CRB1: variants seen among roughly 807,000 people sequenced by gnomAD.
CRB1 encodes the protein crumbs cell polarity complex component 1, also known as protein crumbs homolog 1.
A neutral mutation model predicts 120.0 loss-of-function variants in CRB1; 83 were observed. That is an observed-to-expected ratio of 0.69 (90% CI 0.58 to 0.83). The LOEUF (loss-of-function observed/expected upper bound fraction) is 0.83, where lower values mean the gene tolerates loss of function less well. CRB1 is among the 40% of genes least tolerant of loss of function. The pLI, the probability that CRB1 is intolerant of heterozygous loss-of-function variation, is 0.00. For synonymous variants in CRB1, 625 were observed against 612.5 expected (o/e 1.02, Z -0.30); for missense variants, 1,699 against 1,687.6 (o/e 1.01, Z -0.12).
chr1:197,477,026 G>A (rs1216564859), intron 11 of CRB1, among the ~76,000 whole-genome samples: 2 of 152,226 alleles, frequency 1.3e-5, no homozygotes, highest in East Asian at 3.9e-4. Context: ...CCTTTGACAG[G>A]GCTCTACCTG....
rs1558056995 is a variant in CRB1 at position 197,328,665 on chromosome 1, C to A, written c.314C>A (p.Thr105Lys). The A allele has an allele frequency of 6.2e-7, 1 of 1,614,080 alleles. No homozygotes were observed. Among genetic ancestry groups the A allele is most frequent in the Non-Finnish European group, 8.5e-7 (1 of 1,179,952 alleles). The part of the protein sequence containing the change: ...LCKCPPGYSG[T>K]ICETTIGSCG... ...AAATGTCCTCCTGGGTACAGTGGGA[C>A]AATCTGTGAAACTACCATTGGTTCC... The change falls in exon 2 of 12, where the codon ACA (threonine) becomes AAA (lysine). Residue 105 changes from threonine (T) to lysine (K), a missense_variant. Coordinates refer to ENST00000367400, the MANE Select transcript of CRB1 (RefSeq NM_201253.3).
chr1:197,326,200 G>T (rs1658484566), intron 1 of CRB1, among the ~76,000 whole-genome samples: 1 of 152,066 alleles, frequency 6.6e-6, no homozygotes, highest in Non-Finnish European at 1.5e-5. Context: ...CTGAGCACTT[G>T]GTATAAATAA....
chr1:197,280,413 T>C lies in CRB1; in HGVS notation c.70+11931T>C, dbSNP rs1329104421. On this transcript the variant is annotated intron_variant, in intron 1 of 11. Coordinates refer to ENST00000367400, the MANE Select transcript of CRB1 (RefSeq NM_201253.3). ...TACAGGTATTAAAGATAATTTATCA[T>C]GTATTCATCACCAGCTACATGTGCT... is the stretch of plus-strand genomic sequence containing the variant. 2.6e-5 allele frequency among the ~76,000 whole-genome samples: 4 copies of C among 152,014 alleles called. No homozygotes were observed. In the East Asian group the frequency reaches 5.8e-4, roughly 22 times the overall value.
chr1:197,232,130 G>T, the CRB1 span, among the ~76,000 whole-genome samples: 1 of 152,140 alleles, frequency 6.6e-6, no homozygotes, highest in African/African-American at 2.4e-5. Flanking sequence ...ACTAAGGAAT[G>T]CAGGCAGCCT....
At chr1:197,354,307 C>T (rs539371391) in intron 4 of CRB1, among the ~76,000 whole-genome samples, 13 of 152,272 alleles carry the variant, frequency 8.5e-5, no homozygotes, top group African/African-American at 3.1e-4. Context: ...TAGGGTTAAA[C>T]TCAAAACGCT....
At chr1:197,436,638 A>G (rs1665174653) in intron 9 of CRB1, among the ~76,000 whole-genome samples, 1 of 152,194 alleles carries the variant, frequency 6.6e-6, no homozygotes, top group Non-Finnish European at 1.5e-5. Flanking sequence ...TGAATTTATT[A>G]ATAAATACAA....
upstream of CRB1, among the ~76,000 whole-genome samples, chr1:197,263,524 T>A (rs1175574368): frequency 7.9e-5 from 12 of 152,312 alleles, no homozygotes; most frequent in African/African-American, 2.6e-4. Context: ...CTCTTTGGTT[T>A]AATTAGGTCC....
intron 5 of CRB1, among the ~76,000 whole-genome samples, chr1:197,404,319 G>A (rs906453018): frequency 6.6e-5 from 10 of 151,974 alleles, no homozygotes; most frequent in Admixed American, 5.2e-4. Flanking sequence ...TCGGACGCCT[G>A]TAGTCCCAGC....
chr1:197,376,953 G>C (rs1169021580), intron 5 of CRB1, among the ~76,000 whole-genome samples: 1 of 152,010 alleles, frequency 6.6e-6, no homozygotes, highest in African/African-American at 2.4e-5. Context: ...TACTTGGTTA[G>C]GCCAAACTCA....
intron 5 of CRB1, among the ~76,000 whole-genome samples, chr1:197,394,433 T>C (rs1251006637): frequency 3.3e-5 from 5 of 152,170 alleles, no homozygotes; most frequent in African/African-American, 1.2e-4. Flanking sequence ...TTGCAAGTTA[T>C]ATGTGGATTT....
chr1:197,430,944 T>A (rs1266172150), intron 8 of CRB1, among the ~76,000 whole-genome samples: 1 of 152,052 alleles, frequency 6.6e-6, no homozygotes, highest in African/African-American at 2.4e-5. Context: ...CTGACACCTA[T>A]AATCCCAGCA....
chr1:197,242,761 T>C, the CRB1 span, among the ~76,000 whole-genome samples: 4 of 152,272 alleles, frequency 2.6e-5, no homozygotes, highest in African/African-American at 9.6e-5. Context: ...CCAGCTCCTC[T>C]TTGTACCTCT....
intron 1 of CRB1, among the ~76,000 whole-genome samples, chr1:197,293,584 G>T (rs1194461185): frequency 6.6e-6 from 1 of 151,810 alleles, no homozygotes; most frequent in Non-Finnish European, 1.5e-5. Flanking sequence ...TATGGAACCA[G>T]AAAAGAGCCC....
chr1:197,259,215 A>G, the CRB1 span, among the ~76,000 whole-genome samples: 7 of 152,368 alleles, frequency 4.6e-5, no homozygotes, highest in African/African-American at 1.7e-4. Context: ...TCTGTTTTAA[A>G]GATACATGCA....
intron 1 of CRB1, among the ~76,000 whole-genome samples, chr1:197,270,955 C>T (rs1248024274): frequency 6.6e-6 from 1 of 152,140 alleles, no homozygotes; most frequent in Non-Finnish European, 1.5e-5. Flanking sequence ...AGTCCCAGCA[C>T]TTTGAGAGGC....
At chr1:197,401,578 G>A (rs1663065896) in intron 5 of CRB1, among the ~76,000 whole-genome samples, 1 of 152,070 alleles carries the variant, frequency 6.6e-6, no homozygotes, top group Admixed American at 6.6e-5. Flanking sequence ...CGTATTTTGT[G>A]TCTTCTGTTT....
the CRB1 span, among the ~76,000 whole-genome samples, chr1:197,236,268 C>G: frequency 6.9e-6 from 1 of 145,196 alleles, no homozygotes; most frequent in Non-Finnish European, 1.5e-5. Flanking sequence ...GGCACAATCT[C>G]AGCTCACTGC....
intron 5 of CRB1, among the ~76,000 whole-genome samples, chr1:197,372,664 C>T (rs1287596032): frequency 6.6e-6 from 1 of 151,016 alleles, no homozygotes. Context: ...GAGGCCAAGG[C>T]AGGAGGTTTG....
intron 5 of CRB1, 56 bp downstream of exon 5, chr1:197,357,069 T>C: frequency 2.6e-6 from 4 of 1,551,946 alleles, no homozygotes; most frequent in Admixed American, 3.3e-5. Context: ...TGGCAGACCA[T>C]GGCTTTAACC....
Sources: gnomAD v4.1 joint callset for allele counts (sites outside exome capture counted in the v4.1 genomes callset) on GRCh38, gnomAD v4.1.1 for gene constraint, MANE v1.5 for transcripts, NCBI Gene and HGNC (gene_info 2026-07-23, HGNC 2026-07-21) for gene names.